Variants in UIMC1 observed in about 807,000 individuals in gnomAD.
UIMC1 encodes BRCA1-A complex subunit RAP80.
In UIMC1, 42 loss-of-function variants were observed where a neutral mutation model predicts 84.9. The ratio of observed to expected loss-of-function variants is 0.49; its 90% confidence interval spans 0.39 to 0.64. The LOEUF (loss-of-function observed/expected upper bound fraction) is 0.64. Ranked by LOEUF, UIMC1 falls within the 30% of genes least tolerant of loss-of-function variation. UIMC1 has a pLI of 0.00. For missense variants in UIMC1, 825 were observed against 847.6 expected, an observed-to-expected ratio of 0.97 and a Z score of 0.33; for synonymous variants, 281 against 293.0, an observed-to-expected ratio of 0.96 and a Z score of 0.42.
rs1422959849 is a variant in UIMC1, at chr5:176,982,529, A to G, written c.87T>C (p.Ser29=). ...CCTCAAGTCTACGCTTCCTCTTCAC[A>G]CTGACAGAACTGGTAGTTTCCACAT... The part of the protein sequence containing the change: ...KKDVETTSSV[S]VKRKRRLEDA... Residue 29 remains serine, a synonymous_variant, in exon 2 of 15, where the codon AGT becomes AGC. Coordinates refer to ENST00000511320, the MANE Select transcript of UIMC1 (RefSeq NM_001199298.2). The G allele has an allele frequency of 8.7e-6, 14 of 1,613,956 alleles. No homozygotes were observed. The highest frequency in any genetic ancestry group is 5.0e-5 in the Admixed American group (3 of 59,966).
At chr5:176,981,144 G>GT (rs769202785) in intron 2 of UIMC1, among the ~76,000 whole-genome samples, 26,725 of 132,224 alleles carry the variant, frequency 0.2, 3,432 homozygotes, top group Non-Finnish European at 0.29. Context: ...TGTTTTGTTG[G>GT]TTTTTTTTTT....
At chr5:176,927,818 C>G (rs528853869) in intron 10 of UIMC1, among the ~76,000 whole-genome samples, 2 of 149,982 alleles carry the variant, frequency 1.3e-5, no homozygotes, top group Non-Finnish European at 3.0e-5. Context: ...TTCTCTAGAA[C>G]AGGGATTGGC....
chr5:176,980,624 CTGTTA>C (rs1250309322), intron 2 of UIMC1, among the ~76,000 whole-genome samples: 8 of 151,856 alleles, frequency 5.3e-5, no homozygotes, highest in Admixed American at 3.3e-4. Flanking sequence ...TCTTTCTAAA[CTGTTA>C]TGTTATGGCT....
intron 10 of UIMC1, among the ~76,000 whole-genome samples, chr5:176,934,903 G>A (rs1427955407): frequency 2.0e-5 from 3 of 152,198 alleles, no homozygotes; most frequent in African/African-American, 7.2e-5. Context: ...GAGACCACTG[G>A]ATTCAAAGAT....
At chr5:177,004,534 C>A (rs937457591) in intron 1 of UIMC1, among the ~76,000 whole-genome samples, 3 of 152,020 alleles carry the variant, frequency 2.0e-5, no homozygotes, top group Non-Finnish European at 4.4e-5. Context: ...AATGAATTAC[C>A]ACTAACTGCC....
chr5:176,911,299 A>G lies in UIMC1; in HGVS notation c.1676+12T>C. 1 of 1,589,396 alleles carries G rather than the reference A, an allele frequency of 6.3e-7. No homozygotes were observed. Among genetic ancestry groups the G allele is most frequent in the Non-Finnish European group, 8.6e-7 (1 of 1,167,168 alleles). On this transcript the variant is annotated intron_variant, in intron 11 of 14. Coordinates refer to ENST00000511320, the MANE Select transcript of UIMC1 (RefSeq NM_001199298.2). ...TATACAAGAGCTCCGTGAATGCAGC[A>G]TACCTACTTACTTGTCAATGTCTAG... is the stretch of plus-strand genomic sequence containing the variant.
chr5:176,949,682 T>C (rs754091839), intron 9 of UIMC1, among the ~76,000 whole-genome samples: 23 of 152,212 alleles, frequency 1.5e-4, no homozygotes, highest in Non-Finnish European at 2.6e-4. Context: ...GCAGTGTGCA[T>C]GATTCATGAA....
At chr5:176,924,463 T>C (rs1360705454) in intron 10 of UIMC1, among the ~76,000 whole-genome samples, 1 of 151,286 alleles carries the variant, frequency 6.6e-6, no homozygotes, top group East Asian at 1.9e-4. Context: ...GACAAACAGA[T>C]CAATTAAATA....
Position 176,928,719 on chromosome 5 carries a change from A to C in UIMC1, c.1597+14616T>G, listed in dbSNP as rs191347449. 9.1e-3 allele frequency among the ~76,000 whole-genome samples: 1,382 copies of C among 152,296 alleles called. 8 individuals carry two copies. Among genetic ancestry groups the C allele is most frequent in the South Asian group, 0.024 (117 of 4,822 alleles). ...GTAATCCCAGCACTTTGGGAGGCTG[A>C]GGTGGGCGGATCACGAGGTCAGGAG... On this transcript the variant is annotated intron_variant, in intron 10 of 14. Coordinates refer to ENST00000511320, the MANE Select transcript of UIMC1 (RefSeq NM_001199298.2).
intron 5 of UIMC1, 112 bp downstream of exon 5, chr5:176,969,489 T>C (rs1255801964): frequency 1.0e-5 from 13 of 1,299,236 alleles, no homozygotes; most frequent in Non-Finnish European, 1.4e-5. Context: ...ATTTAACTTC[T>C]TTATTATCAC....
At chr5:176,984,672 GAA>G (rs1561885364) in intron 1 of UIMC1, among the ~76,000 whole-genome samples, 12 of 50,718 alleles carry the variant, frequency 2.4e-4, no homozygotes, top group African/African-American at 7.2e-4. Context: ...GTGGGGAAAA[GAA>G]AGAGAGATCA....
At chr5:177,011,193 C>CAAAA (rs752829956), upstream of UIMC1, among the ~76,000 whole-genome samples, 1 of 118,134 alleles carries the variant, frequency 8.5e-6, no homozygotes, top group East Asian at 2.5e-4. Flanking sequence ...GACCCTGTCA[C>CAAAA]AAAAAAAAAA....
intron 1 of UIMC1, among the ~76,000 whole-genome samples, chr5:177,020,400 T>G (rs1409214184): frequency 6.6e-6 from 1 of 152,212 alleles, no homozygotes; most frequent in Non-Finnish European, 1.5e-5. Flanking sequence ...GATGCAATCC[T>G]GTTTTATCTT....
intron 9 of UIMC1, among the ~76,000 whole-genome samples, chr5:176,950,114 T>TTC (rs1424173985): frequency 2.1e-5 from 3 of 145,972 alleles, no homozygotes; most frequent in Admixed American, 6.8e-5. Context: ...TTTTTTTTTT[T>TTC]TTTTGAGACG....
intron 9 of UIMC1, among the ~76,000 whole-genome samples, chr5:176,948,174 A>G (rs978847891): frequency 1.1e-4 from 17 of 152,392 alleles, no homozygotes; most frequent in African/African-American, 3.8e-4. Context: ...TAAGACTCCA[A>G]CTAAGGGAAA....
At chr5:176,917,262 T>C (rs924435394) in intron 10 of UIMC1, among the ~76,000 whole-genome samples, 4 of 152,200 alleles carry the variant, frequency 2.6e-5, no homozygotes, top group African/African-American at 9.6e-5. Context: ...CCAGTCTCAA[T>C]TAAAGGCTAT....
chr5:176,915,458 ATTT>A (rs554389479), intron 10 of UIMC1, among the ~76,000 whole-genome samples: 2 of 144,426 alleles, frequency 1.4e-5, no homozygotes, highest in African/African-American at 2.5e-5. Flanking sequence ...ACAGTAAATA[ATTT>A]TTTTTTTTTT....
intron 6 of UIMC1, among the ~76,000 whole-genome samples, chr5:176,966,520 G>A (rs986726531): frequency 6.6e-6 from 1 of 151,970 alleles, no homozygotes; most frequent in African/African-American, 2.4e-5. Context: ...TCAAAGTCTG[G>A]TAACAGAAAT....
rs552390496 is a variant in UIMC1, at chr5:176,976,998, G to A, written c.148-1518C>T. ...AGCACTTTGGGAGGCCCAAGCAGGC[G>A]GATCACCTGAGGTCAGGAGGTCGAG... On this transcript the variant is annotated intron_variant, in intron 2 of 14. Transcript: ENST00000511320. 2.8e-4 allele frequency among the ~76,000 whole-genome samples: 43 copies of A among 152,216 alleles called. 1 individual carries two copies. The highest frequency in any genetic ancestry group is 2.0e-3 in the Admixed American group (31 of 15,272).
Sources: gnomAD v4.1 joint callset for allele counts (sites outside exome capture counted in the v4.1 genomes callset) on GRCh38, gnomAD v4.1.1 for gene constraint, MANE v1.5 for transcripts, NCBI Gene and HGNC (gene_info 2026-07-23, HGNC 2026-07-21) for gene names.